EPHA5: variants seen among roughly 807,000 people sequenced by gnomAD.
EPHA5 encodes EPH receptor A5.
In EPHA5, 60 loss-of-function variants were observed where a neutral mutation model predicts 105.0. That is an observed-to-expected ratio of 0.57 (90% CI 0.46 to 0.71). The LOEUF (loss-of-function observed/expected upper bound fraction) is 0.71, where lower values mean the gene tolerates loss of function less well. Ranked by LOEUF, EPHA5 falls within the 30% of genes least tolerant of loss-of-function variation. EPHA5 has a pLI of 0.00. For missense variants in EPHA5, 1,218 were observed against 1,274.7 expected (o/e 0.96, Z 0.68); for synonymous variants, 513 against 449.1 (o/e 1.14, Z -1.80).
At chr4:65,464,693 T>A (rs1728445572) in intron 5 of EPHA5, among the ~76,000 whole-genome samples, 1 of 152,116 alleles carries the variant, frequency 6.6e-6, no homozygotes, top group African/African-American at 2.4e-5. Flanking sequence ...TAATTCTATC[T>A]GGAAAACAAA....
chr4:65,427,686 A>G (rs1724578629), intron 5 of EPHA5, among the ~76,000 whole-genome samples: 1 of 152,220 alleles, frequency 6.6e-6, no homozygotes, highest in African/African-American at 2.4e-5. Flanking sequence ...CCTAAGCTAC[A>G]GTTATAGAAT....
At chr4:65,440,748 T>C (rs1725936463) in intron 5 of EPHA5, among the ~76,000 whole-genome samples, 1 of 152,002 alleles carries the variant, frequency 6.6e-6, no homozygotes, top group South Asian at 2.1e-4. Flanking sequence ...GAGGGTTCTC[T>C]GATGTCTGGG....
intron 10 of EPHA5, 39 bp from the exon 11 acceptor site, chr4:65,365,241 A>C (rs1717754178): frequency 6.3e-7 from 1 of 1,580,288 alleles, no homozygotes; most frequent in Non-Finnish European, 8.7e-7. Context: ...AACTCATTTG[A>C]AATTGTTAGT....
intron 3 of EPHA5, among the ~76,000 whole-genome samples, chr4:65,518,269 A>G (rs959048227): frequency 6.6e-6 from 1 of 151,876 alleles, no homozygotes; most frequent in Non-Finnish European, 1.5e-5. Context: ...TTTCTTTATT[A>G]TCTCTTTCTA....
intron 5 of EPHA5, among the ~76,000 whole-genome samples, chr4:65,483,058 T>C (rs1369654989): frequency 1.3e-5 from 2 of 152,096 alleles, no homozygotes; most frequent in African/African-American, 4.8e-5. Flanking sequence ...CCCCATCCTG[T>C]GTCCAAGTGT....
rs772909004 is a variant in EPHA5, at chr4:65,322,618, C to G, written c.*1496G>C. 9.8e-5 allele frequency: 22 copies of G among 224,756 alleles called. No homozygotes were observed. The highest frequency in any genetic ancestry group is 1.8e-4 in the Non-Finnish European group (20 of 112,732). The allele number at this position is 224,756 out of a possible 1,614,324, so 13.9% of individuals were successfully genotyped here. On this transcript the variant is annotated 3_prime_UTR_variant, in exon 17 of 17. Coordinates refer to ENST00000613740, the MANE Select transcript of EPHA5 (RefSeq NM_001281766.3). Reference sequence around the variant, plus strand: ...TTGTATCACAAATATAAGTCTTCATCATGTGTGGTATATAGAGCATACATA... The same window carrying G: ...TTGTATCACAAATATAAGTCTTCATGATGTGTGGTATATAGAGCATACATA...
At chr4:65,437,676 A>AT (rs1230670374) in intron 5 of EPHA5, among the ~76,000 whole-genome samples, 4 of 151,940 alleles carry the variant, frequency 2.6e-5, no homozygotes, top group Non-Finnish European at 4.4e-5. Flanking sequence ...TGCATATTGG[A>AT]TTCAGAGTGA....
At chr4:65,529,502 A>G (rs1218639729) in intron 3 of EPHA5, among the ~76,000 whole-genome samples, 2 of 152,134 alleles carry the variant, frequency 1.3e-5, no homozygotes, top group African/African-American at 4.8e-5. Context: ...TCCTTCAGAG[A>G]AAGAAAGAAA....
chr4:65,639,141 GT>G (rs1747416130), intron 2 of EPHA5, among the ~76,000 whole-genome samples: 1 of 152,108 alleles, frequency 6.6e-6, no homozygotes, highest in East Asian at 1.9e-4. Flanking sequence ...CAAATAATCA[GT>G]TTATGTTTCC....
Position 65,321,177 on chromosome 4 carries a change from C to G in EPHA5, c.*2937G>C, listed in dbSNP as rs1719611061. 1.3e-5 allele frequency: 3 copies of G among 230,494 alleles called. No homozygotes were observed. Among genetic ancestry groups the G allele is most frequent in the Non-Finnish European group, 2.6e-5 (3 of 116,374 alleles). The allele number at this position is 230,494 out of a possible 1,614,324, so 14.3% of individuals were successfully genotyped here. A position where few individuals can be genotyped will look rare whatever the true frequency, so the allele number is the denominator to read the frequency against. On this transcript the variant is annotated 3_prime_UTR_variant, in exon 17 of 17. Transcript: ENST00000613740. ...AGTCCAATACTGTGAAAGACTCATG[C>G]CCCTTAAGATATTGCTACTGGCAAT...
intron 8 of EPHA5, among the ~76,000 whole-genome samples, chr4:65,387,829 T>A (rs1294515041): frequency 2.0e-5 from 3 of 152,032 alleles, no homozygotes; most frequent in African/African-American, 7.2e-5. Context: ...TCTTTTTTTT[T>A]ATTATACTTT....
chr4:65,473,229 A>G (rs1729460953), intron 5 of EPHA5, among the ~76,000 whole-genome samples: 1 of 152,136 alleles, frequency 6.6e-6, no homozygotes, highest in Admixed American at 6.5e-5. Flanking sequence ...GCTTCCCTAC[A>G]TCTTACCTTC....
At chr4:65,482,290 TA>T (rs58590136) in intron 5 of EPHA5, among the ~76,000 whole-genome samples, 14,182 of 85,086 alleles carry the variant, frequency 0.17, 726 homozygotes, top group East Asian at 0.29. Context: ...AAGAACAAGA[TA>T]AAAAAAAAAA....
chr4:65,373,092 C>T (rs965539858), intron 8 of EPHA5, among the ~76,000 whole-genome samples: 3 of 151,752 alleles, frequency 2.0e-5, no homozygotes, highest in Admixed American at 1.3e-4. Flanking sequence ...TGCTAGAGTA[C>T]GTAACTTCCT....
chr4:65,548,095 CCAAA>C (rs1185072986), intron 3 of EPHA5, among the ~76,000 whole-genome samples: 1 of 150,432 alleles, frequency 6.6e-6, no homozygotes, highest in Non-Finnish European at 1.5e-5. Flanking sequence ...AAAGCCAGCC[CCAAA>C]CAGTGAGCAA....
At chr4:65,599,839 C>A (rs1431496949) in intron 3 of EPHA5, among the ~76,000 whole-genome samples, 1 of 152,176 alleles carries the variant, frequency 6.6e-6, no homozygotes, top group Admixed American at 6.5e-5. Context: ...TGCACTAAGA[C>A]TGCATTGCAT....
At chr4:65,491,600 A>C (rs2149216477) in intron 4 of EPHA5, among the ~76,000 whole-genome samples, 1 of 152,180 alleles carries the variant, frequency 6.6e-6, no homozygotes, top group African/African-American at 2.4e-5. Context: ...AACTTCATGA[A>C]GTATTTCTTG....
chr4:65,397,361 C>T (rs920050461), intron 8 of EPHA5, among the ~76,000 whole-genome samples: 1 of 152,108 alleles, frequency 6.6e-6, no homozygotes, highest in Non-Finnish European at 1.5e-5. Flanking sequence ...AATATTTTTC[C>T]CAAACCCTTA....
intron 3 of EPHA5, among the ~76,000 whole-genome samples, chr4:65,536,177 G>T (rs766587844): frequency 7.3e-5 from 11 of 151,508 alleles, no homozygotes; most frequent in Non-Finnish European, 1.0e-4. Flanking sequence ...ACTTTGAATG[G>T]GTGGATCTAT....
Sources: gnomAD v4.1 joint callset for allele counts (sites outside exome capture counted in the v4.1 genomes callset) on GRCh38, gnomAD v4.1.1 for gene constraint, MANE v1.5 for transcripts, NCBI Gene and HGNC (gene_info 2026-07-23, HGNC 2026-07-21) for gene names.